Variants in NLGN1 observed in about 807,000 individuals in gnomAD.
The protein encoded by NLGN1 is neuroligin 1, also known as neuroligin-1.
Under a neutral mutation model 65.5 loss-of-function variants are expected in NLGN1, and 12 were observed. That is an observed-to-expected ratio of 0.18 (90% CI 0.12 to 0.30). The LOEUF (loss-of-function observed/expected upper bound fraction) is 0.30, where lower values mean the gene tolerates loss of function less well. Ranked by LOEUF, NLGN1 falls within the 10% of genes least tolerant of loss-of-function variation. The pLI, the probability that NLGN1 is intolerant of heterozygous loss-of-function variation, is 1.00. For missense variants in NLGN1, 750 were observed against 1,007.1 expected (o/e 0.74, Z 3.46); for synonymous variants, 350 against 359.5 (o/e 0.97, Z 0.30).
In NLGN1 at chr3:174,001,948, G is replaced by A. The variant is rs115980568; in HGVS notation, c.646+194116G>A. 9.1e-3 allele frequency among the ~76,000 whole-genome samples: 1,386 copies of A among 151,692 alleles called. 29 individuals are homozygous for A. Among genetic ancestry groups the A allele is most frequent in the African/African-American group, 0.032 (1,307 of 41,350 alleles). ...CATAGAGCTGCACTTCGGAAACTCT[G>A]ATGTAGAAAGAAATGCTATGACATG... On this transcript the variant is annotated intron_variant, in intron 4 of 6. Transcript: ENST00000457714.
chr3:173,541,052 A>G (rs542452254), intron 2 of NLGN1, among the ~76,000 whole-genome samples: 53 of 152,296 alleles, frequency 3.5e-4, no homozygotes, highest in Middle Eastern at 3.4e-3. Flanking sequence ...CCATCCCACT[A>G]TGATAGCTGT....
intron 4 of NLGN1, among the ~76,000 whole-genome samples, chr3:173,815,608 A>T (rs1052309848): frequency 8.6e-5 from 13 of 152,046 alleles, no homozygotes; most frequent in African/African-American, 2.7e-4. Flanking sequence ...GCTTCGTCTC[A>T]GTCTCCTTTG....
At chr3:173,769,696 GA>G (rs373621280) in intron 3 of NLGN1, among the ~76,000 whole-genome samples, 194 of 152,326 alleles carry the variant, frequency 1.3e-3, no homozygotes, top group African/African-American at 4.4e-3. Flanking sequence ...GCTGCAGATA[GA>G]GGCACTGATT....
Position 173,944,345 on chromosome 3 carries a change from A to G in NLGN1, c.646+136513A>G, listed in dbSNP as rs541110055. ...AATGCCATATTAAAAAAGGAGAGAA[A>G]TTAAATTTCTCTCTGAAGCTTTGTT... On this transcript the variant is annotated intron_variant, in intron 4 of 6. Coordinates refer to ENST00000457714, the Ensembl canonical transcript of NLGN1. 7.2e-4 allele frequency among the ~76,000 whole-genome samples: 109 copies of G among 152,280 alleles called. No individual in the cohort carries two copies. In the South Asian group the frequency reaches 9.7e-3, roughly 14 times the overall value.
At chr3:173,860,514 C>G (rs957254406) in intron 4 of NLGN1, among the ~76,000 whole-genome samples, 1 of 152,028 alleles carries the variant, frequency 6.6e-6, no homozygotes, top group Non-Finnish European at 1.5e-5. Context: ...GTCAAAAATA[C>G]TTTCTAAGAT....
chr3:174,192,116 G>A (rs1732506043), intron 4 of NLGN1, among the ~76,000 whole-genome samples: 1 of 151,920 alleles, frequency 6.6e-6, no homozygotes, highest in Admixed American at 6.6e-5. Context: ...TTTCCGGATA[G>A]CCAGGGCAGA....
chr3:173,543,538 G>A (rs1739249353), intron 2 of NLGN1, among the ~76,000 whole-genome samples: 1 of 152,116 alleles, frequency 6.6e-6, no homozygotes, highest in Admixed American at 6.6e-5. Flanking sequence ...TCCACTGAGT[G>A]AAAAGTTTAT....
intron 2 of NLGN1, among the ~76,000 whole-genome samples, chr3:173,439,865 A>C (rs576686025): frequency 6.6e-6 from 1 of 152,236 alleles, no homozygotes; most frequent in East Asian, 1.9e-4. Context: ...GGTGGTTGCT[A>C]AAAATTGGGG....
chr3:173,609,422 A>T (rs1313877246), intron 3 of NLGN1, among the ~76,000 whole-genome samples: 1 of 151,862 alleles, frequency 6.6e-6, no homozygotes, highest in Non-Finnish European at 1.5e-5. Flanking sequence ...CATGGTCTTT[A>T]CCTGAGATAA....
intron 2 of NLGN1, among the ~76,000 whole-genome samples, chr3:173,487,311 G>A (rs1728325254): frequency 6.6e-6 from 1 of 150,570 alleles, no homozygotes; most frequent in South Asian, 2.1e-4. Flanking sequence ...GGAATTAGGA[G>A]TTTTTTTTTA....
intron 4 of NLGN1, among the ~76,000 whole-genome samples, chr3:174,070,670 T>C (rs1366537921): frequency 1.3e-5 from 2 of 152,146 alleles, no homozygotes; most frequent in East Asian, 3.9e-4. Context: ...ACATATTAAA[T>C]ATTAGAACAT....
intron 4 of NLGN1, among the ~76,000 whole-genome samples, chr3:173,945,359 C>T (rs1323914340): frequency 6.6e-6 from 1 of 152,014 alleles, no homozygotes; most frequent in Non-Finnish European, 1.5e-5. Flanking sequence ...TTTCCCTGTG[C>T]ATAATGCTAG....
rs1409783476 is a variant in NLGN1, at chr3:173,873,149, C to T, written c.646+65317C>T. ...TGCTGCCCAGGCTGGAGTGCAGTGG[C>T]GCTATGTCAGCTCACTGCAACCTCT... is the stretch of plus-strand genomic sequence containing the variant. On this transcript the variant is annotated intron_variant, in intron 4 of 6. Transcript: ENST00000457714. 4.0e-5 allele frequency among the ~76,000 whole-genome samples: 6 copies of T among 150,754 alleles called. No homozygotes were observed. The South Asian group carries it at 6.3e-4, about 16-fold the overall frequency.
At chr3:173,792,942 T>C (rs1352418) in intron 3 of NLGN1, among the ~76,000 whole-genome samples, 125,100 of 152,100 alleles carry the variant, frequency 0.82, 52,154 homozygotes, top group Non-Finnish European at 0.87. Flanking sequence ...TCATCTGTCT[T>C]GTTTTAGCTA....
intron 2 of NLGN1, among the ~76,000 whole-genome samples, chr3:173,528,069 A>G (rs922242406): frequency 6.6e-6 from 1 of 152,198 alleles, no homozygotes; most frequent in African/African-American, 2.4e-5. Flanking sequence ...TGTACTTAAC[A>G]TGTCCTTTTA....
At chr3:173,504,474 G>C (rs958309892) in intron 2 of NLGN1, among the ~76,000 whole-genome samples, 6 of 152,000 alleles carry the variant, frequency 3.9e-5, no homozygotes, top group African/African-American at 1.4e-4. Flanking sequence ...AACCTAAAAA[G>C]AGGAAAAATA....
At chr3:174,156,876 A>G (rs1276160235) in intron 4 of NLGN1, among the ~76,000 whole-genome samples, 2 of 151,462 alleles carry the variant, frequency 1.3e-5, no homozygotes, top group Admixed American at 1.3e-4. Flanking sequence ...AGCAACACTT[A>G]CTCTAGAAAA....
rs150186683 is a variant in NLGN1, at chr3:173,810,305, G to A, written c.646+2473G>A. Among the ~76,000 whole-genome samples the A allele has an allele frequency of 5.2e-3, 790 of 152,286 alleles. 3 individuals carry two copies. The highest frequency in any genetic ancestry group is 7.9e-3 in the Non-Finnish European group (534 of 68,012). On this transcript the variant is annotated intron_variant, in intron 4 of 6. Coordinates refer to ENST00000457714, the Ensembl canonical transcript of NLGN1. Reference sequence around the variant, plus strand: ...TGTAGACTTTTGAGATTGATGTTGTGAATAGTTTGTCTAACAGTAAAAAGG... The same window carrying A: ...TGTAGACTTTTGAGATTGATGTTGTAAATAGTTTGTCTAACAGTAAAAAGG...
chr3:173,998,247 T>C (rs922755036), intron 4 of NLGN1, among the ~76,000 whole-genome samples: 1 of 152,172 alleles, frequency 6.6e-6, no homozygotes, highest in Non-Finnish European at 1.5e-5. Flanking sequence ...TGCTGTTTCG[T>C]TGGCCAGGTT....
Sources: gnomAD v4.1 joint callset for allele counts (sites outside exome capture counted in the v4.1 genomes callset) on GRCh38, gnomAD v4.1.1 for gene constraint, MANE v1.5 for transcripts, NCBI Gene and HGNC (gene_info 2026-07-23, HGNC 2026-07-21) for gene names.